ERCC4: variants seen among roughly 807,000 people sequenced by gnomAD.
ERCC4 encodes the protein ERCC excision repair 4, endonuclease catalytic subunit.
In ERCC4, 65 loss-of-function variants were observed where a neutral mutation model predicts 76.9. The ratio of observed to expected loss-of-function variants is 0.84; its 90% confidence interval spans 0.69 to 1.04. The LOEUF (loss-of-function observed/expected upper bound fraction) is 1.04. Ranked by LOEUF, ERCC4 falls within the 50% of genes least tolerant of loss-of-function variation. The pLI is 0.00. For missense variants in ERCC4, 1,214 were observed against 1,128.2 expected, an observed-to-expected ratio of 1.08 and a Z score of -1.09; for synonymous variants, 463 against 410.1, an observed-to-expected ratio of 1.13 and a Z score of -1.56.
At chr16:13,930,128 A>G (rs964111923) in intron 4 of ERCC4, among the ~76,000 whole-genome samples, 17 of 152,152 alleles carry the variant, frequency 1.1e-4, no homozygotes, top group African/African-American at 3.9e-4. Context: ...CATGGGCATC[A>G]AACTAAATTT....
In ERCC4 at chr16:13,950,762, A is replaced by G. The variant is rs549968233; in HGVS notation, c.*2415A>G. 36 of 193,698 alleles carry G rather than the reference A, an allele frequency of 1.9e-4. No individual in the cohort carries two copies. In the Middle Eastern group the frequency reaches 8.8e-3, roughly 48 times the overall value. The allele number at this position is 193,698 out of a possible 1,614,324, so 12.0% of individuals were successfully genotyped here. A position where few individuals can be genotyped will look rare whatever the true frequency, so the allele number is the denominator to read the frequency against. ...TTGCTTTTAATTGTTGTTTCATTAT[A>G]TAAAAGGAACATCTTCCCATAGCAT... On this transcript the variant is annotated 3_prime_UTR_variant, in exon 11 of 11. Coordinates refer to ENST00000311895, the MANE Select transcript of ERCC4 (RefSeq NM_005236.3).
chr16:13,935,224 T>C lies in ERCC4; in HGVS notation c.1292T>C (p.Phe431Ser). Reference sequence around the variant, plus strand: ...TATATCACTCTTGGAGCGGAGGCCTTCTTATTGAGGCTCTACAGGAAAACC... The same window carrying C: ...TATATCACTCTTGGAGCGGAGGCCTCCTTATTGAGGCTCTACAGGAAAACC... ...RDYITLGAEAFLLRLYRKTFE... is the reference protein window; with the variant it reads ...RDYITLGAEASLLRLYRKTFE... The change falls in exon 8 of 11, where the codon TTC (phenylalanine) becomes TCC (serine). Residue 431 changes from phenylalanine (F) to serine (S), a missense_variant. Coordinates refer to ENST00000311895, the MANE Select transcript of ERCC4 (RefSeq NM_005236.3). 6.2e-7 allele frequency: 1 copy of C among 1,614,078 alleles called. No individual in the cohort carries two copies. Among genetic ancestry groups the C allele is most frequent in the South Asian group, 1.1e-5 (1 of 91,068 alleles).
intron 10 of ERCC4, among the ~76,000 whole-genome samples, chr16:13,945,387 C>T (rs988134057): frequency 4.3e-4 from 65 of 152,298 alleles, no homozygotes; most frequent in Non-Finnish European, 8.4e-4. Context: ...GCCACCAAGA[C>T]CTGCTGAATT....
intron 8 of ERCC4, 28 bp downstream of exon 8, chr16:13,935,771 G>T (rs779655248): frequency 6.0e-6 from 9 of 1,493,558 alleles, no homozygotes; most frequent in Non-Finnish European, 7.5e-6. Context: ...ACAGCTTTCA[G>T]TTGCACAGTT....
Position 13,944,801 on chromosome 16 carries a change from A to T in ERCC4, c.1983A>T (p.Ala661=), listed in dbSNP as rs373237850. 2 of 1,613,742 alleles carry T rather than the reference A, an allele frequency of 1.2e-6. No individual in the cohort carries two copies. The highest frequency in any genetic ancestry group is 3.3e-5 in the Admixed American group (2 of 60,028). ...ETNLDLVRGT[A]SADVSTDTRK... ...ACTTAGACCTAGTAAGAGGCACAGC[A>T]TCTGCAGATGTTTCCACTGACACTC... The change falls in exon 10 of 11, where the codon GCA becomes GCT. Residue 661 remains alanine (A), a synonymous_variant. Transcript: ENST00000311895.
At chr16:13,929,762 G>C (rs1039590571) in intron 4 of ERCC4, among the ~76,000 whole-genome samples, 1 of 152,202 alleles carries the variant, frequency 6.6e-6, no homozygotes. Flanking sequence ...TCAGGAGATC[G>C]AGACCATCCT....
rs768020598 is a variant in ERCC4 at position 13,935,486 on chromosome 16, A to C, written c.1554A>C (p.Ile518=). The change falls in exon 8 of 11, where the codon ATA becomes ATC. Residue 518 remains isoleucine, a synonymous_variant. Coordinates refer to ENST00000311895, the MANE Select transcript of ERCC4 (RefSeq NM_005236.3). ...TCGAGGAAGGATATCGTCGAGAAAT[A>C]AGCAGTAGCCCAGAAAGCTGCCCGG... ...GDVEEGYRRE[I]SSSPESCPEE... 2 of 1,614,216 alleles carry C rather than the reference A, an allele frequency of 1.2e-6. No homozygotes were observed. Among genetic ancestry groups the C allele is most frequent in the East Asian group, 2.2e-5 (1 of 44,888 alleles).
Position 13,935,378 on chromosome 16 carries a change from A to G in ERCC4, c.1446A>G (p.Glu482=), listed in dbSNP as rs114077770. 7.4e-4 allele frequency: 1,191 copies of G among 1,607,980 alleles called. 5 individuals carry two copies. In the African/African-American group the frequency reaches 0.014, roughly 19 times the overall value. The change falls in exon 8 of 11, where the codon GAA becomes GAG. Residue 482 remains glutamate (E), a synonymous_variant. Coordinates refer to ENST00000311895, the MANE Select transcript of ERCC4 (RefSeq NM_005236.3). ...PQNKERASTK[E]RTLKKKKRKL... ...ACAAAGAACGGGCTTCTACCAAAGAAAGAACCCTCAAAAAGAAAAAACGGA... is the reference window on the plus strand; with the variant it reads ...ACAAAGAACGGGCTTCTACCAAAGAGAGAACCCTCAAAAAGAAAAAACGGA...
At chr16:13,936,974 C>G (rs2032311594) in intron 8 of ERCC4, among the ~76,000 whole-genome samples, 1 of 147,988 alleles carries the variant, frequency 6.8e-6, no homozygotes, top group Non-Finnish European at 1.5e-5. Context: ...TGCAGTGTTG[C>G]AATCATGGCT....
intron 7 of ERCC4, chr16:13,934,801 A>T (rs1206812867): frequency 4.0e-6 from 1 of 252,984 alleles, no homozygotes; most frequent in African/African-American, 2.2e-5. Flanking sequence ...CACAATTCAC[A>T]AAAGAGGAAA....
intron 2 of ERCC4, 127 bp downstream of exon 2, chr16:13,922,338 C>T (rs3136057): frequency 1.1e-5 from 9 of 795,768 alleles, no homozygotes; most frequent in South Asian, 2.8e-5. Flanking sequence ...CTCCCTACAT[C>T]ACCTTTGGTA....
chr16:13,927,292 C>T (rs113463405), intron 3 of ERCC4, among the ~76,000 whole-genome samples: 4,324 of 152,286 alleles, frequency 0.028, 206 homozygotes, highest in African/African-American at 0.099. Flanking sequence ...GGTGCAGTGG[C>T]TTACGCCTGT....
intron 10 of ERCC4, among the ~76,000 whole-genome samples, chr16:13,947,165 C>G (rs576210597): frequency 6.6e-5 from 10 of 152,302 alleles, no homozygotes; most frequent in Admixed American, 1.3e-4. Flanking sequence ...TTCCCTTTCC[C>G]CATCTCTGGA....
intron 4 of ERCC4, among the ~76,000 whole-genome samples, chr16:13,929,187 A>T (rs2032126053): frequency 6.6e-6 from 1 of 152,200 alleles, no homozygotes; most frequent in Admixed American, 6.5e-5. Flanking sequence ...TCTGTTGATT[A>T]TCCCCCGGTT....
rs913723072 is a variant in ERCC4 at position 13,944,646 on chromosome 16, A to T, written c.1905-77A>T. 16 of 947,808 alleles carry T rather than the reference A, an allele frequency of 1.7e-5. No individual in the cohort carries two copies. In the Admixed American group the frequency reaches 2.9e-4, roughly 17 times the overall value. The allele number at this position is 947,808 out of a possible 1,614,324, so 58.7% of individuals were successfully genotyped here. On this transcript the variant is annotated intron_variant, in intron 9 of 10. Transcript: ENST00000311895. ...GCTATCATCATGTAGATCATTTTCAATACTACAATTTACACACAATAAAAT... is the reference window on the plus strand; with the variant it reads ...GCTATCATCATGTAGATCATTTTCATTACTACAATTTACACACAATAAAAT...
Position 13,951,978 on chromosome 16 carries a change from A to G in ERCC4, c.*3631A>G, listed in dbSNP as rs974746865. ...ACTTTTCTTTATTATTTTGTTTTCT[A>G]TTTTGGTTTATAGCTATTTCTGGTT... On this transcript the variant is annotated 3_prime_UTR_variant, in exon 11 of 11. Transcript: ENST00000311895. The G allele has an allele frequency of 2.9e-5, 6 of 206,446 alleles. No individual in the cohort carries two copies. In the East Asian group the frequency reaches 3.0e-4, roughly 10 times the overall value. The allele number at this position is 206,446 out of a possible 1,614,324, so 12.8% of individuals were successfully genotyped here. A position where few individuals can be genotyped will look rare whatever the true frequency, so the allele number is the denominator to read the frequency against.
intron 6 of ERCC4, 33 bp from the exon 7 acceptor site, chr16:13,934,159 C>T: frequency 7.1e-7 from 1 of 1,400,190 alleles, no homozygotes; most frequent in Non-Finnish European, 1.0e-6. Flanking sequence ...TAAATATTAT[C>T]ACATAGAATG....
At chr16:13,928,642 G>A (rs2032114895) in intron 4 of ERCC4, among the ~76,000 whole-genome samples, 1 of 152,124 alleles carries the variant, frequency 6.6e-6, no homozygotes, top group Non-Finnish European at 1.5e-5. Flanking sequence ...CATTACTGAG[G>A]AGTGTGAAAC....
rs145851520 is a variant in ERCC4, at chr16:13,932,214, A to T, written c.1031A>T (p.Tyr344Phe). The T allele has an allele frequency of 6.2e-5, 100 of 1,612,692 alleles. No individual in the cohort carries two copies. In the African/African-American group the frequency reaches 1.1e-3, roughly 17 times the overall value. The change falls in exon 6 of 11, where the codon TAT (tyrosine) becomes TTT (phenylalanine). Residue 344 changes from tyrosine to phenylalanine, a missense_variant. Transcript: ENST00000311895. ...SMFINARARV[Y>F]HLPDAKMSKK... ...TTTATAAATGCTCGAGCAAGGGTTT[A>T]TCATCTTCCAGATGCCAAAATGAGT...
Sources: gnomAD v4.1 joint callset for allele counts (sites outside exome capture counted in the v4.1 genomes callset) on GRCh38, gnomAD v4.1.1 for gene constraint, MANE v1.5 for transcripts, NCBI Gene and HGNC (gene_info 2026-07-23, HGNC 2026-07-21) for gene names.